SPATA7: variants seen among roughly 807,000 people sequenced by gnomAD.
The protein encoded by SPATA7 is spermatogenesis-associated protein 7.
A neutral mutation model predicts 51.8 loss-of-function variants in SPATA7; 43 were observed. That is an observed-to-expected ratio of 0.83 (90% CI 0.65 to 1.07). The LOEUF is 1.07. SPATA7 is among the 50% of genes least tolerant of loss of function. The pLI is 0.00. For missense variants in SPATA7, 683 were observed against 701.3 expected (o/e 0.97, Z 0.30); for synonymous variants, 230 against 252.8 (o/e 0.91, Z 0.86).
At chr14:88,429,073 G>C (rs2076870321) in intron 7 of SPATA7, 1 of 229,846 alleles carries the variant, frequency 4.4e-6, no homozygotes, top group Non-Finnish European at 8.7e-6. Context: ...TTGAAAATTT[G>C]CTTCATTTTT....
At chr14:88,398,179 C>T (rs1042922193) in intron 4 of SPATA7, among the ~76,000 whole-genome samples, 4 of 151,820 alleles carry the variant, frequency 2.6e-5, no homozygotes, top group African/African-American at 7.3e-5. Flanking sequence ...CAGTGTTATA[C>T]GTATGTTTAT....
intron 7 of SPATA7, chr14:88,428,292 G>T (rs949502689): frequency 6.6e-6 from 1 of 152,000 alleles, no homozygotes; most frequent in African/African-American, 2.4e-5. Context: ...TTGCACTTGT[G>T]TCCTGACTTA....
chr14:88,391,516 G>T, intron 2 of SPATA7, 61 bp downstream of exon 2: 1 of 1,356,730 alleles, frequency 7.4e-7, no homozygotes, highest in African/African-American at 1.4e-5. Context: ...TTCCTTTACT[G>T]GCAAATTATA....
intron 3 of SPATA7, among the ~76,000 whole-genome samples, chr14:88,444,922 G>A (rs1400297710): frequency 6.6e-6 from 1 of 152,194 alleles, no homozygotes; most frequent in Admixed American, 6.5e-5. Flanking sequence ...GTAGTGTGAT[G>A]CCTCCAGCTT....
intron 4 of SPATA7, chr14:88,406,569 T>C (rs1418598149): frequency 6.6e-6 from 1 of 152,296 alleles, no homozygotes; most frequent in African/African-American, 2.4e-5. Context: ...GTATACAGTT[T>C]CTTTAGAGAA....
chr14:88,439,932 A>G (rs2077166271), downstream of SPATA7, among the ~76,000 whole-genome samples: 1 of 152,060 alleles, frequency 6.6e-6, no homozygotes, highest in Admixed American at 6.6e-5. Flanking sequence ...TAACCCTGTA[A>G]GCAACACCGT....
intron 4 of SPATA7, among the ~76,000 whole-genome samples, chr14:88,398,944 C>T (rs1017331084): frequency 5.3e-5 from 8 of 150,192 alleles, no homozygotes; most frequent in Non-Finnish European, 7.4e-5. Flanking sequence ...CCCAGCTGCT[C>T]GGGAGGCTGA....
At chr14:88,467,033 T>A (rs1411661448) in intron 4 of SPATA7, 1 of 152,190 alleles carries the variant, frequency 6.6e-6, no homozygotes, top group Non-Finnish European at 1.5e-5. Flanking sequence ...GGACTTGAAT[T>A]CCCTGGGGAC....
chr14:88,457,656 A>C (rs1344939036), downstream of SPATA7, among the ~76,000 whole-genome samples: 1 of 152,208 alleles, frequency 6.6e-6, no homozygotes, highest in East Asian at 1.9e-4. Context: ...TAAATATACA[A>C]TCATGTCATC....
intron 6 of SPATA7, 71 bp downstream of exon 6, chr14:88,426,775 T>C: frequency 1.5e-6 from 2 of 1,346,260 alleles, no homozygotes; most frequent in Non-Finnish European, 2.1e-6. Flanking sequence ...TAATATTCCT[T>C]GTTTTCTGCT....
chr14:88,437,413 A>G (rs2077117988), intron 10 of SPATA7, 130 bp from the exon 11 acceptor site: 2 of 669,668 alleles, frequency 3.0e-6, no homozygotes, highest in Non-Finnish European at 5.2e-6. Context: ...ATTAGTCTTC[A>G]GCTTTACAGA....
At chr14:88,405,350 A>C (rs939315037) in intron 4 of SPATA7, among the ~76,000 whole-genome samples, 2 of 152,222 alleles carry the variant, frequency 1.3e-5, no homozygotes, top group Admixed American at 1.3e-4. Flanking sequence ...GGTCTTGAAG[A>C]GAGGAGTAGC....
At chr14:88,416,962 ATAGT>A (rs2076497320) in intron 5 of SPATA7, 118 bp downstream of exon 5, 2 of 819,072 alleles carry the variant, frequency 2.4e-6, no homozygotes, top group Non-Finnish European at 3.9e-6. Flanking sequence ...AAAGATCCAG[ATAGT>A]TAATATTTTA....
intron 1 of SPATA7, among the ~76,000 whole-genome samples, chr14:88,387,939 A>T (rs1332748269): frequency 1.3e-5 from 2 of 152,130 alleles, no homozygotes; most frequent in African/African-American, 4.8e-5. Context: ...ACTTGAAAAA[A>T]AATTTTTTCC....
At chr14:88,417,196 GT>G (rs59199890) in intron 5 of SPATA7, among the ~76,000 whole-genome samples, 143,497 of 151,212 alleles carry the variant, frequency 0.95, 68,369 homozygotes, top group Non-Finnish European at 0.99. Context: ...AGTTTGTGAA[GT>G]TTTTTTTTTC....
rs562333065 is a variant in SPATA7 at position 88,421,470 on chromosome 14, A to G, written c.372+4626A>G. Among the ~76,000 whole-genome samples the G allele has an allele frequency of 1.1e-4, 16 of 152,288 alleles. No homozygotes were observed. The South Asian group carries it at 3.3e-3, about 32-fold the overall frequency. ...ATGAGTCTGGATTTTTTTCCTTGAG[A>G]AATGCTGGGAGCCATAGACCAGTTT... On this transcript the variant is annotated intron_variant, in intron 5 of 11. Coordinates refer to ENST00000393545, the MANE Select transcript of SPATA7 (RefSeq NM_018418.5).
chr14:88,430,462 A>T (rs1006941561), intron 8 of SPATA7, among the ~76,000 whole-genome samples: 7 of 152,368 alleles, frequency 4.6e-5, no homozygotes, highest in South Asian at 2.1e-4. Context: ...AAAGTAGAAT[A>T]GTATAGTTGA....
intron 10 of SPATA7, among the ~76,000 whole-genome samples, chr14:88,436,548 T>C (rs1030045165): frequency 6.6e-6 from 1 of 152,212 alleles, no homozygotes; most frequent in African/African-American, 2.4e-5. Context: ...AGTAGTTCCA[T>C]AGTTTCAGAA....
At chr14:88,447,573 G>A (rs1458340949) in intron 3 of SPATA7, among the ~76,000 whole-genome samples, 2 of 151,934 alleles carry the variant, frequency 1.3e-5, no homozygotes, top group South Asian at 2.1e-4. Context: ...TAGTTTCTTC[G>A]TAGTCTCGAT....
Sources: gnomAD v4.1 joint callset for allele counts (sites outside exome capture counted in the v4.1 genomes callset) on GRCh38, gnomAD v4.1.1 for gene constraint, MANE v1.5 for transcripts, NCBI Gene and HGNC (gene_info 2026-07-23, HGNC 2026-07-21) for gene names.